Variants in ARHGAP21 observed in about 807,000 individuals in gnomAD.
The protein encoded by ARHGAP21 is Rho GTPase activating protein 21, also known as rho GTPase-activating protein 21.
A neutral mutation model predicts 164.6 loss-of-function variants in ARHGAP21; 38 were observed. That is an observed-to-expected ratio of 0.23 (90% CI 0.18 to 0.30). ARHGAP21 has a LOEUF of 0.30. Ranked by LOEUF, ARHGAP21 falls within the 10% of genes least tolerant of loss-of-function variation. The probability of loss-of-function intolerance (pLI) is 1.00; values close to 1 mark genes in which losing one functional copy is unlikely to be tolerated. For missense variants in ARHGAP21, 1,822 were observed against 2,370.7 expected, an observed-to-expected ratio of 0.77 and a Z score of 4.81; for synonymous variants, 766 against 857.9, an observed-to-expected ratio of 0.89 and a Z score of 1.87.
chr10:24,635,722 G>C (rs1449536392), intron 4 of ARHGAP21, among the ~76,000 whole-genome samples: 6 of 151,892 alleles, frequency 4.0e-5, no homozygotes, highest in Non-Finnish European at 7.4e-5. Context: ...ATTTTTGTAT[G>C]TTTTAGTAGA....
intron 6 of ARHGAP21, among the ~76,000 whole-genome samples, chr10:24,630,491 T>G (rs1835745588): frequency 6.6e-6 from 1 of 152,094 alleles, no homozygotes; most frequent in Admixed American, 6.6e-5. Context: ...AAACTTAATA[T>G]TTTAAGTAAT....
intron 9 of ARHGAP21, among the ~76,000 whole-genome samples, chr10:24,611,891 A>T (rs531838077): frequency 8.7e-4 from 133 of 152,204 alleles, no homozygotes; most frequent in Non-Finnish European, 1.5e-3. Flanking sequence ...TAACCAAGAG[A>T]ATTATGATGA....
chr10:24,717,588 T>C (rs1031242619), intron 2 of ARHGAP21, among the ~76,000 whole-genome samples: 1 of 151,776 alleles, frequency 6.6e-6, no homozygotes, highest in Non-Finnish European at 1.5e-5. Context: ...CAGGGGACAG[T>C]AGAGGGAAGG....
intron 9 of ARHGAP21, among the ~76,000 whole-genome samples, chr10:24,615,443 G>C: frequency 6.6e-6 from 1 of 152,200 alleles, no homozygotes; most frequent in Non-Finnish European, 1.5e-5. Flanking sequence ...ATGGGGAAGA[G>C]ATGCCAATTC....
chr10:24,693,291 A>G (rs1842894418), intron 2 of ARHGAP21, among the ~76,000 whole-genome samples: 1 of 152,238 alleles, frequency 6.6e-6, no homozygotes, highest in Non-Finnish European at 1.5e-5. Context: ...TGTCATGCTA[A>G]AAAGCCAACA....
intron 2 of ARHGAP21, among the ~76,000 whole-genome samples, chr10:24,686,377 C>T (rs187143120): frequency 2.0e-5 from 3 of 152,076 alleles, no homozygotes; most frequent in African/African-American, 7.2e-5. Flanking sequence ...TGCAGTGAGC[C>T]GAGATGGCGC....
chr10:24,708,136 C>T (rs1844417138), intron 2 of ARHGAP21, among the ~76,000 whole-genome samples: 1 of 152,134 alleles, frequency 6.6e-6, no homozygotes, highest in Admixed American at 6.5e-5. Flanking sequence ...ATATAAAGAT[C>T]AAATTCAAAG....
chr10:24,706,346 T>C (rs920393268), intron 2 of ARHGAP21, among the ~76,000 whole-genome samples: 1 of 152,166 alleles, frequency 6.6e-6, no homozygotes, highest in Non-Finnish European at 1.5e-5. Flanking sequence ...GATCATTAGA[T>C]TTATCACATT....
chr10:24,671,395 C>T (rs1840693005), intron 2 of ARHGAP21, among the ~76,000 whole-genome samples: 2 of 152,112 alleles, frequency 1.3e-5, no homozygotes, highest in South Asian at 4.2e-4. Context: ...CATCCCTTTT[C>T]CCCACCCTCA....
chr10:24,695,349 A>G (rs1172247608), intron 2 of ARHGAP21, among the ~76,000 whole-genome samples: 1 of 152,026 alleles, frequency 6.6e-6, no homozygotes, highest in Non-Finnish European at 1.5e-5. Context: ...CAGGTGGATC[A>G]CTTGAAATCA....
At chr10:24,591,524 C>T (rs1249198697) in intron 23 of ARHGAP21, 118 bp downstream of exon 23, 1 of 1,344,168 alleles carries the variant, frequency 7.4e-7, no homozygotes, top group East Asian at 2.3e-5. Flanking sequence ...GAGCTAGAGA[C>T]CTGCTTCCGG....
chr10:24,645,156 A>T lies in ARHGAP21; in HGVS notation c.269-10053T>A, dbSNP rs189151925. On this transcript the variant is annotated intron_variant, in intron 4 of 25. Transcript: ENST00000396432. ...CTTTCAACCAAATCTGGGCAAATGT[A>T]ACTTCTAAATGTCTCTAAAATCTGT... 2.7e-4 allele frequency among the ~76,000 whole-genome samples: 41 copies of T among 152,312 alleles called. 2 individuals are homozygous for T. Among genetic ancestry groups the T allele is most frequent in the African/African-American group, 8.7e-4 (36 of 41,570 alleles).
intron 4 of ARHGAP21, among the ~76,000 whole-genome samples, chr10:24,651,141 C>CACACCTCCTT (rs1838121218): frequency 6.6e-6 from 1 of 152,146 alleles, no homozygotes; most frequent in African/African-American, 2.4e-5. Context: ...GAAGAACTTG[C>CACACCTCCTT]CGAGGGGAAG....
intron 2 of ARHGAP21, among the ~76,000 whole-genome samples, chr10:24,682,219 T>C (rs1177800838): frequency 6.6e-6 from 1 of 152,156 alleles, no homozygotes; most frequent in Non-Finnish European, 1.5e-5. Context: ...TAAAATATTG[T>C]TTTGTCTGAA....
chr10:24,669,684 T>G (rs1840515912), intron 3 of ARHGAP21, among the ~76,000 whole-genome samples: 2 of 152,244 alleles, frequency 1.3e-5, no homozygotes, highest in Non-Finnish European at 2.9e-5. Context: ...GTGTGTCAAC[T>G]GCACTTATAA....
chr10:24,719,677 A>G (rs753050003), intron 2 of ARHGAP21, among the ~76,000 whole-genome samples: 2 of 152,242 alleles, frequency 1.3e-5, no homozygotes, highest in Non-Finnish European at 2.9e-5. Flanking sequence ...TGTGGAATGT[A>G]GTGCTTCTAA....
At chr10:24,662,903 T>C (rs914282089) in intron 4 of ARHGAP21, among the ~76,000 whole-genome samples, 7 of 152,310 alleles carry the variant, frequency 4.6e-5, no homozygotes, top group African/African-American at 1.7e-4. Context: ...TGGTAAACTT[T>C]TACTACATTT....
intron 7 of ARHGAP21, among the ~76,000 whole-genome samples, chr10:24,627,311 A>T (rs977897386): frequency 6.6e-5 from 10 of 152,226 alleles, no homozygotes; most frequent in Admixed American, 5.9e-4. Context: ...ATACATCTTT[A>T]AAAGCATATA....
chr10:24,719,963 C>G (rs1845770279), intron 2 of ARHGAP21, among the ~76,000 whole-genome samples: 1 of 152,130 alleles, frequency 6.6e-6, no homozygotes, highest in African/African-American at 2.4e-5. Context: ...AATACCTATT[C>G]TTTAGAAAGT....
Sources: allele counts gnomAD v4.1 joint callset (sites outside exome capture counted in the v4.1 genomes callset), GRCh38; gene constraint gnomAD v4.1.1; transcripts MANE v1.5; gene names NCBI Gene and HGNC (gene_info 2026-07-23, HGNC 2026-07-21).